The following PHC2 variants were observed in gnomAD, a reference collection of about 807,000 sequenced individuals.
PHC2 encodes polyhomeotic homolog 2, also known as polyhomeotic-like protein 2.
PHC2 carries 29 observed loss-of-function variants against 87.4 expected under a neutral mutation model. The ratio of observed to expected loss-of-function variants is 0.33; its 90% confidence interval spans 0.25 to 0.45. PHC2 has a LOEUF of 0.45. PHC2 is among the 20% of genes least tolerant of loss of function. The probability of loss-of-function intolerance (pLI) is 1.00; values close to 1 mark genes in which losing one functional copy is unlikely to be tolerated. For synonymous variants in PHC2, 438 were observed against 461.7 expected (o/e 0.95, Z 0.66); for missense variants, 857 against 1,136.7 (o/e 0.75, Z 3.54).
chr1:33,357,046 G>C (rs1478300427), intron 7 of PHC2, among the ~76,000 whole-genome samples: 2 of 152,358 alleles, frequency 1.3e-5, no homozygotes, highest in African/African-American at 2.4e-5. Flanking sequence ...TCTTTGCACA[G>C]ATCACTCTCT....
intron 1 of PHC2, among the ~76,000 whole-genome samples, chr1:33,385,679 G>A (rs1648707075): frequency 6.6e-6 from 1 of 152,140 alleles, no homozygotes; most frequent in African/African-American, 2.4e-5. Flanking sequence ...TTTTGAGACC[G>A]GCTGGTCTCA....
At chr1:33,362,051 T>C (rs2148304895) in intron 7 of PHC2, among the ~76,000 whole-genome samples, 1 of 152,360 alleles carries the variant, frequency 6.6e-6, no homozygotes, top group Non-Finnish European at 1.5e-5. Flanking sequence ...CTTTTCCCAC[T>C]GTAACGCTCT....
intron 9 of PHC2, among the ~76,000 whole-genome samples, chr1:33,351,201 T>C (rs563744677): frequency 6.6e-6 from 1 of 152,350 alleles, no homozygotes; most frequent in Admixed American, 6.5e-5. Context: ...AGGAGTGTGG[T>C]TGTGTTCCAA....
chr1:33,350,073 A>C (rs966270401), intron 9 of PHC2, among the ~76,000 whole-genome samples: 1 of 151,408 alleles, frequency 6.6e-6, no homozygotes, highest in Non-Finnish European at 1.5e-5. Context: ...CCCGGGGCTC[A>C]GCTTAGGGAG....
rs1648121025 is a variant in PHC2 at position 33,375,435 on chromosome 1, A to T, written c.105T>A (p.Gly35=). The T allele has an allele frequency of 9.9e-6, 16 of 1,611,974 alleles. No homozygotes were observed. The highest frequency in any genetic ancestry group is 1.3e-5 in the African/African-American group (1 of 74,832). ...SSSGCNNSSS[G]GSGRPTGPQI... Reference sequence around the variant, plus strand: ...GGGGCCCGGTGGGGCGGCCACTTCCACCACTGCTGCTGTTGTTGCAGCCAC... The same window carrying T: ...GGGGCCCGGTGGGGCGGCCACTTCCTCCACTGCTGCTGTTGTTGCAGCCAC... Residue 35 remains glycine (G), a synonymous_variant, in exon 2 of 15, where the codon GGT becomes GGA. Coordinates refer to ENST00000683057, the MANE Select transcript of PHC2 (RefSeq NM_001385109.1).
At chr1:33,393,778 A>G (rs1407629168) in intron 1 of PHC2, among the ~76,000 whole-genome samples, 1 of 18,844 alleles carries the variant, frequency 5.3e-5, no homozygotes, top group Non-Finnish European at 1.0e-4. Flanking sequence ...GGGGACAACG[A>G]AGAGATGGAT....
Position 33,349,936 on chromosome 1 carries a change from G to A in PHC2, c.1558+4465C>T. On this transcript the variant is annotated intron_variant, in intron 9 of 14. Coordinates refer to ENST00000683057, the MANE Select transcript of PHC2 (RefSeq NM_001385109.1). The surrounding 1 kb of genome is among the most constrained non-coding windows in gnomAD (Gnocchi z 4.2). ...GACGGCTCCCGCGGCCGCCTCCGCC[G>A]GGGGCGGGGCGAGGGAGCGGGGCGG... 1 of 843,686 alleles carries A rather than the reference G, an allele frequency of 1.2e-6. No individual in the cohort carries two copies. The highest frequency in any genetic ancestry group is 1.4e-6 in the Non-Finnish European group (1 of 702,560). 52.3% of individuals were successfully genotyped at this position (843,686 alleles called of 1,614,324 possible).
intron 2 of PHC2, 50 bp downstream of exon 2, chr1:33,375,316 G>T: frequency 1.4e-6 from 2 of 1,394,334 alleles, no homozygotes; most frequent in Non-Finnish European, 1.9e-6. Context: ...CTCCTTGCTA[G>T]CCCTGGAGAT....
At chr1:33,395,449 A>AAAAT (rs57375740) in intron 1 of PHC2, among the ~76,000 whole-genome samples, 115 of 151,020 alleles carry the variant, frequency 7.6e-4, no homozygotes, top group African/African-American at 1.7e-3. Flanking sequence ...CCTTAAGATA[A>AAAAT]AAATAAATAA....
At chr1:33,414,501 C>T (rs893277440) in intron 1 of PHC2, among the ~76,000 whole-genome samples, 5 of 152,140 alleles carry the variant, frequency 3.3e-5, no homozygotes, top group Admixed American at 1.3e-4. Flanking sequence ...CATTTAAACA[C>T]TGAAGCCCAC....
In PHC2 at chr1:33,349,102, A is replaced by G. The variant is rs973133037; in HGVS notation, c.1558+5299T>C. The G allele has an allele frequency of 1.0e-6, 1 of 985,436 alleles. No homozygotes were observed. The highest frequency in any genetic ancestry group is 1.2e-6 in the Non-Finnish European group (1 of 829,900). 61.0% of individuals were successfully genotyped at this position (985,436 alleles called of 1,614,324 possible). A position where few individuals can be genotyped will look rare whatever the true frequency, so the allele number is the denominator to read the frequency against. ...AAAACGCTCTTCTAAAAATGGAAGA[A>G]AAGACACAGAACAGCTTGTCCCTTT... On this transcript the variant is annotated intron_variant, in intron 9 of 14. Coordinates refer to ENST00000683057, the MANE Select transcript of PHC2 (RefSeq NM_001385109.1). This position sits in a 1 kb window ranked among gnomAD's most constrained non-coding sequence, Gnocchi z 4.2.
chr1:33,375,469 CTGGCCCCGCTGGTACTGCTGG>C lies in PHC2; in HGVS notation c.50_70del (p.Thr17_Ala23del). ...GCTGTTGTTGCAGCCACTGCTGCTA[CTGGCCCCGCTGGTACTGCTGG>C]TGGCACAGGCACTGCTAGATGTATG... On this transcript the variant is annotated inframe_deletion, in exon 2 of 15. Transcript: ENST00000683057. 6.2e-7 allele frequency: 1 copy of C among 1,612,516 alleles called. No homozygotes were observed. The highest frequency in any genetic ancestry group is 8.5e-7 in the Non-Finnish European group (1 of 1,179,340).
chr1:33,386,922 A>G (rs539801192), intron 1 of PHC2, among the ~76,000 whole-genome samples: 2 of 152,280 alleles, frequency 1.3e-5, no homozygotes, highest in South Asian at 4.1e-4. Context: ...AGAGTTGGCC[A>G]TTTTCTCCTG....
At chr1:33,407,359 G>A (rs892058848) in intron 1 of PHC2, among the ~76,000 whole-genome samples, 1 of 152,124 alleles carries the variant, frequency 6.6e-6, no homozygotes, top group African/African-American at 2.4e-5. Context: ...ATATTTTCAA[G>A]GTTAATAAAT....
intron 1 of PHC2, among the ~76,000 whole-genome samples, chr1:33,399,547 G>C (rs1649433114): frequency 6.6e-6 from 1 of 152,178 alleles, no homozygotes; most frequent in African/African-American, 2.4e-5. Context: ...GATGTGCCTA[G>C]AATAGAAGGA....
chr1:33,410,989 G>C (rs1353015823), intron 1 of PHC2, among the ~76,000 whole-genome samples: 1 of 152,054 alleles, frequency 6.6e-6, no homozygotes, highest in Non-Finnish European at 1.5e-5. Context: ...GAAGAACCAA[G>C]TCTTTCTTCA....
chr1:33,380,843 G>A (rs1648458230), intron 1 of PHC2, among the ~76,000 whole-genome samples: 1 of 152,084 alleles, frequency 6.6e-6, no homozygotes, highest in Non-Finnish European at 1.5e-5. Context: ...TCCATGATCT[G>A]ACCCATTTTG....
At chr1:33,357,824 T>C (rs1213535041) in intron 7 of PHC2, among the ~76,000 whole-genome samples, 1 of 152,210 alleles carries the variant, frequency 6.6e-6, no homozygotes, top group Non-Finnish European at 1.5e-5. Context: ...GGCATGTCAC[T>C]GCAAATGCAA....
chr1:33,348,875 G>T (rs1646898299), intron 9 of PHC2, among the ~76,000 whole-genome samples: 1 of 152,200 alleles, frequency 6.6e-6, no homozygotes, highest in Admixed American at 6.5e-5. Context: ...TGGGTGGGCA[G>T]TAGCAGGGCA....
Sources: allele counts gnomAD v4.1 joint callset (sites outside exome capture counted in the v4.1 genomes callset), GRCh38; gene constraint gnomAD v4.1.1; non-coding constraint Gnocchi (gnomAD v3.1); transcripts MANE v1.5; gene names NCBI Gene and HGNC (gene_info 2026-07-23, HGNC 2026-07-21).